Variants in CEP83 observed in about 807,000 individuals in gnomAD.
CEP83 encodes centrosomal protein 83.
A neutral mutation model predicts 101.9 loss-of-function variants in CEP83; 70 were observed. The observed-to-expected ratio is 0.69, with a 90% confidence interval of 0.57 to 0.84. The LOEUF is 0.84. CEP83 is among the 40% of genes least tolerant of loss of function. CEP83 has a pLI of 0.00. For missense variants in CEP83, 715 were observed against 787.2 expected, an observed-to-expected ratio of 0.91 and a Z score of 1.10; for synonymous variants, 264 against 267.9, an observed-to-expected ratio of 0.99 and a Z score of 0.14.
chr12:94,407,953 G>A (rs2063648319), intron 4 of CEP83: 1 of 152,218 alleles, frequency 6.6e-6, no homozygotes, highest in African/African-American at 2.4e-5. Context: ...GAGCAGCTGG[G>A]AAGACAAGCA....
chr12:94,337,727 G>A (rs553243814), intron 11 of CEP83, among the ~76,000 whole-genome samples: 2 of 152,238 alleles, frequency 1.3e-5, no homozygotes, highest in South Asian at 2.1e-4. Context: ...ACTAGATCTT[G>A]AAGGAAAAAT....
intron 11 of CEP83, among the ~76,000 whole-genome samples, chr12:94,350,571 G>C (rs979931601): frequency 6.6e-6 from 1 of 152,002 alleles, no homozygotes; most frequent in African/African-American, 2.4e-5. Context: ...ATTTGATAAT[G>C]ATTTCTTGGA....
rs1309900555 is a variant in CEP83, at chr12:94,307,937, G to A, written c.*876C>T. ...ATTCCACTTAATTTGGGAGACTTGAGCTTTAGCCTCGTTAACATGAAATTA... is the reference window on the plus strand; with the variant it reads ...ATTCCACTTAATTTGGGAGACTTGAACTTTAGCCTCGTTAACATGAAATTA... On this transcript the variant is annotated 3_prime_UTR_variant, in exon 17 of 17. Transcript: ENST00000397809. 6.6e-6 allele frequency: 1 copy of A among 152,078 alleles called. No homozygotes were observed. Among genetic ancestry groups the A allele is most frequent in the Non-Finnish European group, 1.5e-5 (1 of 68,000 alleles). 9.4% of individuals were successfully genotyped at this position (152,078 alleles called of 1,614,324 possible).
At chr12:94,393,275 C>A (rs1006442816) in intron 6 of CEP83, among the ~76,000 whole-genome samples, 109 of 152,298 alleles carry the variant, frequency 7.2e-4, no homozygotes, top group African/African-American at 2.6e-3. Context: ...AGCTTATCCA[C>A]CATGATCAAG....
chr12:94,287,201 G>C, the CEP83 span, among the ~76,000 whole-genome samples: 1 of 152,210 alleles, frequency 6.6e-6, no homozygotes, highest in Non-Finnish European at 1.5e-5. Context: ...TGCAGACAAA[G>C]GGTTAAGCGT....
chr12:94,278,979 C>G, the CEP83 span, among the ~76,000 whole-genome samples: 1 of 137,526 alleles, frequency 7.3e-6, no homozygotes, highest in African/African-American at 2.8e-5. Flanking sequence ...GCCTGGGTGA[C>G]AGAGCAAGAC....
At chr12:94,279,721 TC>T in the CEP83 span, 1 of 1,287,768 alleles carries the variant, frequency 7.8e-7, no homozygotes. Context: ...TCCCTCCCTG[TC>T]CCCCCTCCCT....
intron 14 of CEP83, among the ~76,000 whole-genome samples, chr12:94,314,283 A>G (rs372504240): frequency 9.2e-5 from 14 of 152,306 alleles, no homozygotes; most frequent in African/African-American, 3.4e-4. Context: ...CTCAAAGAAA[A>G]ACCACAAAAC....
intron 12 of CEP83, 43 bp downstream of exon 12, chr12:94,335,546 A>C (rs979003499): frequency 6.2e-6 from 8 of 1,280,070 alleles, no homozygotes; most frequent in Non-Finnish European, 8.8e-6. Flanking sequence ...AATTTAAAGA[A>C]GCACTTGAAA....
intron 2 of CEP83, chr12:94,424,562 T>A: frequency 1.2e-6 from 2 of 1,613,602 alleles, no homozygotes; most frequent in South Asian, 2.2e-5. Flanking sequence ...GATGTATAAA[T>A]TTGTGGGGTC....
chr12:94,394,972 A>G (rs1247402997), intron 6 of CEP83, among the ~76,000 whole-genome samples: 1 of 152,214 alleles, frequency 6.6e-6, no homozygotes, highest in Non-Finnish European at 1.5e-5. Context: ...TCAGGAAACA[A>G]CAGATGCTGG....
intron 15 of CEP83, chr12:94,312,707 A>G (rs1970055585): frequency 2.0e-6 from 2 of 985,430 alleles, no homozygotes; most frequent in Non-Finnish European, 2.4e-6. Context: ...CATAAGGCAA[A>G]CACCTGGTAT....
Position 94,411,780 on chromosome 12 carries a change from G to T in CEP83, c.241C>A (p.Gln81Lys), listed in dbSNP as rs368619022. ...TCAAGCAGGAGCTGAAGTTTTTCCTGCTGAGTTTGCTTTTCATTAAACAGG... is the reference window on the plus strand; with the variant it reads ...TCAAGCAGGAGCTGAAGTTTTTCCTTCTGAGTTTGCTTTTCATTAAACAGG... ...KHLFNEKQTQ[Q>K]EKLQLLLEEL... Residue 81 changes from glutamine (Q) to lysine (K), a missense_variant, in exon 4 of 17, where the codon CAG becomes AAG. Coordinates refer to ENST00000397809, the MANE Select transcript of CEP83 (RefSeq NM_016122.3). 1 of 1,611,974 alleles carries T rather than the reference G, an allele frequency of 6.2e-7. No individual in the cohort carries two copies. The highest frequency in any genetic ancestry group is 1.3e-5 in the African/African-American group (1 of 74,832).
intron 11 of CEP83, among the ~76,000 whole-genome samples, chr12:94,340,587 C>A (rs1275761146): frequency 5.3e-5 from 8 of 152,088 alleles, no homozygotes; most frequent in Non-Finnish European, 5.9e-5. Context: ...TAGGTGGCTG[C>A]CACCACACCC....
intron 2 of CEP83, among the ~76,000 whole-genome samples, chr12:94,426,711 G>A (rs901161715): frequency 6.6e-6 from 1 of 152,270 alleles, no homozygotes; most frequent in African/African-American, 2.4e-5. Flanking sequence ...AGGATCTTAA[G>A]AGGAGAGGCT....
intron 1 of CEP83, among the ~76,000 whole-genome samples, 198 bp from the exon 2 acceptor site, chr12:94,435,525 A>C (rs1044899926): frequency 2.3e-4 from 35 of 152,302 alleles, no homozygotes; most frequent in African/African-American, 6.5e-4. Context: ...AAAAACTCCA[A>C]AGACAAAAGA....
intron 8 of CEP83, among the ~76,000 whole-genome samples, chr12:94,371,831 C>T (rs1429228011): frequency 6.6e-6 from 1 of 152,164 alleles, no homozygotes; most frequent in Non-Finnish European, 1.5e-5. Flanking sequence ...CATGCAAAAT[C>T]CTCATCCAAA....
At chr12:94,459,241 C>G (rs1477255046) in intron 1 of CEP83, among the ~76,000 whole-genome samples, 1 of 152,182 alleles carries the variant, frequency 6.6e-6, no homozygotes, top group Non-Finnish European at 1.5e-5. Flanking sequence ...TCAGTAATGA[C>G]AGTCGACATC....
intron 2 of CEP83, chr12:94,424,522 C>G (rs1593949515): frequency 6.8e-6 from 11 of 1,613,656 alleles, no homozygotes; most frequent in Non-Finnish European, 7.6e-6. Context: ...CCTCCAGTTC[C>G]TGCTCATCCA....
Sources: allele counts gnomAD v4.1 joint callset (sites outside exome capture counted in the v4.1 genomes callset), GRCh38; gene constraint gnomAD v4.1.1; transcripts MANE v1.5; gene names NCBI Gene and HGNC (gene_info 2026-07-23, HGNC 2026-07-21).